MTAP: variants seen among roughly 807,000 people sequenced by gnomAD.
MTAP encodes methylthioadenosine phosphorylase.
MTAP carries 33 observed loss-of-function variants against 33.6 expected under a neutral mutation model. That is an observed-to-expected ratio of 0.98 (90% CI 0.74 to 1.31). The LOEUF is 1.31. MTAP is among the 40% of genes most tolerant of loss of function. The pLI is 0.00. For synonymous variants in MTAP, 148 were observed against 125.7 expected (o/e 1.18, Z -1.19); for missense variants, 367 against 360.0 (o/e 1.02, Z -0.16).
In MTAP at chr9:21,864,134, A is replaced by G; in HGVS notation, c.*2120A>G. The G allele has an allele frequency of 4.1e-6, 4 of 985,464 alleles. No homozygotes were observed. The highest frequency in any genetic ancestry group is 9.4e-5 in the South Asian group (2 of 21,292). 61.0% of individuals were successfully genotyped at this position (985,464 alleles called of 1,614,324 possible). On this transcript the variant is annotated 3_prime_UTR_variant, in exon 8 of 8. Coordinates refer to ENST00000644715, the MANE Select transcript of MTAP (RefSeq NM_002451.4). The stretch of plus-strand genomic sequence containing the variant: ...TTTTCTTGCTATGTTCAGAAAGTAC[A>G]GTTCTCTCCAACTTGCAGAGGTACT...
chr9:21,844,837 C>T (rs996274177), intron 5 of MTAP, among the ~76,000 whole-genome samples: 1 of 152,114 alleles, frequency 6.6e-6, no homozygotes, highest in African/African-American at 2.4e-5. Flanking sequence ...CGAGACCATC[C>T]TGGCTAACAC....
chr9:21,829,068 G>A (rs144608131), intron 4 of MTAP, among the ~76,000 whole-genome samples: 2 of 152,264 alleles, frequency 1.3e-5, no homozygotes, highest in African/African-American at 4.8e-5. Flanking sequence ...CCCTCTATGT[G>A]TTTTACTGAT....
chr9:21,847,981 G>T (rs944109296), intron 5 of MTAP, among the ~76,000 whole-genome samples: 2 of 152,176 alleles, frequency 1.3e-5, no homozygotes, highest in Non-Finnish European at 2.9e-5. Flanking sequence ...TGAAGCTGGG[G>T]ACACTGAGTT....
At chr9:21,846,103 A>G (rs1825374482) in intron 5 of MTAP, among the ~76,000 whole-genome samples, 1 of 152,196 alleles carries the variant, frequency 6.6e-6, no homozygotes, top group Non-Finnish European at 1.5e-5. Flanking sequence ...TCATATAAAA[A>G]TCAATGCAAG....
chr9:21,889,739 G>A (rs1818169089), intron 1 of MTAP, among the ~76,000 whole-genome samples: 1 of 152,254 alleles, frequency 6.6e-6, no homozygotes, highest in East Asian at 1.9e-4. Flanking sequence ...GTCCTGTGAT[G>A]TGATCTGTCT....
At chr9:21,931,153 G>C (rs765658979) in exon 2 of MTAP, 1 of 753,994 alleles carries the variant, frequency 1.3e-6, no homozygotes, top group East Asian at 2.5e-5. Context: ...GACCTGGCTG[G>C]ATACTGCTTC....
At chr9:21,933,406 A>G (rs1348859282), downstream of MTAP, 1 of 152,232 alleles carries the variant, frequency 6.6e-6, no homozygotes, top group Non-Finnish European at 1.5e-5. Context: ...CCAATGGAGA[A>G]GGAGTTTAAG....
chr9:21,808,067 T>C (rs1336036260), intron 1 of MTAP, among the ~76,000 whole-genome samples: 7 of 152,228 alleles, frequency 4.6e-5, no homozygotes, highest in African/African-American at 1.7e-4. Flanking sequence ...TGCAAGTTCA[T>C]AGGCCCCACC....
intron 1 of MTAP, among the ~76,000 whole-genome samples, chr9:21,875,270 CTT>C (rs1197053545): frequency 6.6e-6 from 1 of 151,886 alleles, no homozygotes; most frequent in Non-Finnish European, 1.5e-5. Context: ...TGTTTCCTGA[CTT>C]TTTAATGATC....
chr9:21,925,939 T>C (rs1034721896), intron 1 of MTAP, among the ~76,000 whole-genome samples: 2 of 152,238 alleles, frequency 1.3e-5, no homozygotes, highest in Non-Finnish European at 2.9e-5. Context: ...GGTTCACTCC[T>C]CATCTTTGCT....
At chr9:21,856,280 T>A in intron 6 of MTAP, 4 of 608,644 alleles carry the variant, frequency 6.6e-6, no homozygotes, top group Non-Finnish European at 8.2e-6. Context: ...AGAGTTTGTT[T>A]TACTATCTAA....
intron 5 of MTAP, among the ~76,000 whole-genome samples, chr9:21,852,853 C>A (rs4454372): frequency 0.25 from 37,607 of 151,940 alleles, 5,113 homozygotes; most frequent in East Asian, 0.41. Context: ...ATATGAAAGT[C>A]CTGACATTAA....
rs1825767080 is a variant in MTAP, at chr9:21,862,129, T to C, written c.*115T>C. On this transcript the variant is annotated 3_prime_UTR_variant, in exon 8 of 8. Transcript: ENST00000644715. ...CATGCAGCTTTCATGCCCTTGCCTA[T>C]CAAAGAGTATGTTGTAAGAAAGACA... is the stretch of plus-strand genomic sequence containing the variant. 6.3e-7 allele frequency: 1 copy of C among 1,576,792 alleles called. No homozygotes were observed. Among genetic ancestry groups the C allele is most frequent in the Non-Finnish European group, 8.6e-7 (1 of 1,163,430 alleles).
At chr9:21,873,146 A>G (rs1044002967) in intron 1 of MTAP, among the ~76,000 whole-genome samples, 1 of 152,174 alleles carries the variant, frequency 6.6e-6, no homozygotes, top group African/African-American at 2.4e-5. Context: ...GGGATTTGGA[A>G]TTCTGAATAT....
At chr9:21,915,535 A>G (rs1184747189) in intron 1 of MTAP, among the ~76,000 whole-genome samples, 1 of 152,134 alleles carries the variant, frequency 6.6e-6, no homozygotes, top group Non-Finnish European at 1.5e-5. Context: ...GTTTTGGCAT[A>G]GGTATATTTT....
chr9:21,871,050 C>T (rs1008323237), downstream of MTAP, among the ~76,000 whole-genome samples: 8 of 151,910 alleles, frequency 5.3e-5, no homozygotes, highest in Admixed American at 1.3e-4. Flanking sequence ...GGATCACAGC[C>T]ATCAGCCACC....
intron 1 of MTAP, among the ~76,000 whole-genome samples, chr9:21,916,120 G>GAAGGA (rs1397028813): frequency 2.8e-5 from 4 of 142,056 alleles, no homozygotes; most frequent in African/African-American, 1.1e-4. Flanking sequence ...AGGAAGGAAG[G>GAAGGA]AGGGAGGGAA....
intron 5 of MTAP, among the ~76,000 whole-genome samples, chr9:21,847,594 C>T (rs1457812926): frequency 6.6e-6 from 1 of 152,172 alleles, no homozygotes; most frequent in Non-Finnish European, 1.5e-5. Context: ...TGGAATCACC[C>T]TTAGTGACTC....
At chr9:21,902,019 T>A (rs576293267) in intron 1 of MTAP, among the ~76,000 whole-genome samples, 1 of 152,310 alleles carries the variant, frequency 6.6e-6, no homozygotes, top group Admixed American at 6.5e-5. Context: ...GTAGAATGTA[T>A]GAGAAATAGC....
Sources: allele counts gnomAD v4.1 joint callset (sites outside exome capture counted in the v4.1 genomes callset), GRCh38; gene constraint gnomAD v4.1.1; transcripts MANE v1.5; gene names NCBI Gene and HGNC (gene_info 2026-07-23, HGNC 2026-07-21).